The following LRP8 variants were observed in gnomAD, a reference collection of about 807,000 sequenced individuals.
LRP8 encodes low-density lipoprotein receptor-related protein 8.
A neutral mutation model predicts 111.6 loss-of-function variants in LRP8; 46 were observed. The observed-to-expected ratio is 0.41, with a 90% CI of 0.33 to 0.53. The LOEUF (loss-of-function observed/expected upper bound fraction) is 0.53. LRP8 is among the 20% of genes least tolerant of loss of function. LRP8 has a pLI of 0.20. For synonymous variants in LRP8, 464 were observed against 511.2 expected (o/e 0.91, Z 1.24); for missense variants, 959 against 1,297.4 (o/e 0.74, Z 4.01).
At chr1:53,259,813 C>G (rs1353519807) in intron 13 of LRP8, among the ~76,000 whole-genome samples, 3 of 152,176 alleles carry the variant, frequency 2.0e-5, no homozygotes, top group Non-Finnish European at 4.4e-5. Flanking sequence ...TTATTTTTCC[C>G]TGTGCCACAT....
At chr1:53,309,439 G>A (rs1652596100) in intron 2 of LRP8, among the ~76,000 whole-genome samples, 1 of 152,204 alleles carries the variant, frequency 6.6e-6, no homozygotes, top group South Asian at 2.1e-4. Context: ...ACGCCCCTGT[G>A]CAGAAGAGGA....
chr1:53,289,519 G>T, intron 3 of LRP8, 48 bp downstream of exon 3: 1 of 1,558,504 alleles, frequency 6.4e-7, no homozygotes, highest in Non-Finnish European at 8.7e-7. Flanking sequence ...GAAGATCTGA[G>T]GAGGAAACTG....
At position 53,243,663 on chromosome 1, in the gene LRP8, G is replaced by C. The variant is rs1645680361; in HGVS notation, c.*3355C>G. 1 of 152,144 alleles carries C rather than the reference G, an allele frequency of 6.6e-6. No individual in the cohort carries two copies. Among genetic ancestry groups the C allele is most frequent in the East Asian group, 1.9e-4 (1 of 5,196 alleles). 9.4% of individuals were successfully genotyped at this position (152,144 alleles called of 1,614,324 possible). A position where few individuals can be genotyped will look rare whatever the true frequency, so the allele number is the denominator to read the frequency against. ...TTTTGTTCCTGTTAGAATGAACTGT[G>C]CAATTCCTAAAGTCCCTGTGCTCTT... On this transcript the variant is annotated 3_prime_UTR_variant, in exon 19 of 19. Coordinates refer to ENST00000306052, the MANE Select transcript of LRP8 (RefSeq NM_004631.5).
rs780596952 is a variant in LRP8 at position 53,264,247 on chromosome 1, A to C, written c.1577T>G (p.Val526Gly). Residue 526 changes from valine (V) to glycine (G), a missense_variant, in exon 10 of 19, where the codon GTT (valine) becomes GGT (glycine). By Grantham distance (109) the Val-to-Gly change is moderately radical. Coordinates refer to ENST00000306052, the MANE Select transcript of LRP8 (RefSeq NM_004631.5). ...SGNKTISVATVDGGRRRTLFS... is the reference protein window; with the variant it reads ...SGNKTISVATGDGGRRRTLFS... ...GAGAGTGCGTCGGCGGCCACCATCA[A>C]CTGTGGCCACTGAGATGGTCTTATT... 1.2e-6 allele frequency: 2 copies of C among 1,614,152 alleles called. No individual in the cohort carries two copies. Among genetic ancestry groups the C allele is most frequent in the South Asian group, 1.1e-5 (1 of 91,082 alleles).
chr1:53,280,618 C>A lies in LRP8; in HGVS notation c.465G>T (p.Glu155Asp), dbSNP rs776697660. 10 of 1,613,194 alleles carry A rather than the reference C, an allele frequency of 6.2e-6. No individual in the cohort carries two copies. The Admixed American group carries it at 1.0e-4, about 16-fold the overall frequency. ...SWRCDGEKDCEGGADEAGCAT... is the reference protein window; with the variant it reads ...SWRCDGEKDCDGGADEAGCAT... ...CACAGCCGGCCTCATCCGCTCCACC[C>A]TCGCAGTCCTTCTCCCCGTCGCAGC... Residue 155 changes from glutamate (E) to aspartate (D), a missense_variant, in exon 4 of 19, where the codon GAG becomes GAT. Glu to Asp is a conservative substitution (Grantham distance 45, BLOSUM62 2). Transcript: ENST00000306052.
intron 2 of LRP8, among the ~76,000 whole-genome samples, chr1:53,307,918 T>A (rs1433802917): frequency 1.3e-5 from 2 of 151,986 alleles, no homozygotes; most frequent in Non-Finnish European, 2.9e-5. Context: ...ACCTGGTGAG[T>A]AGATACCTAG....
intron 6 of LRP8, chr1:53,272,582 G>A: frequency 1.5e-6 from 2 of 1,290,784 alleles, no homozygotes; most frequent in South Asian, 2.5e-5. Context: ...CCTGAGCCAT[G>A]CTTAGGGAAT....
chr1:53,248,975 G>A (rs1176967345), intron 18 of LRP8, among the ~76,000 whole-genome samples: 1 of 152,230 alleles, frequency 6.6e-6, no homozygotes, highest in Admixed American at 6.5e-5. Flanking sequence ...GGCAGTGGAA[G>A]GATGGAACTG....
Position 53,266,372 on chromosome 1 carries a change from C to T in LRP8, c.1427+101G>A, listed in dbSNP as rs911462106. 4.8e-6 allele frequency: 6 copies of T among 1,257,384 alleles called. No homozygotes were observed. The Admixed American group carries it at 1.1e-4, about 23-fold the overall frequency. 77.9% of individuals were successfully genotyped at this position (1,257,384 alleles called of 1,614,324 possible). A position where few individuals can be genotyped will look rare whatever the true frequency, so the allele number is the denominator to read the frequency against. The stretch of plus-strand genomic sequence containing the variant: ...TCTCTTCCCAAGTCCCAACTCTGTC[C>T]TGAGGAGCTCTAGAGGCAGACACCA... On this transcript the variant is annotated intron_variant, in intron 9 of 18. Coordinates refer to ENST00000306052, the MANE Select transcript of LRP8 (RefSeq NM_004631.5). This position sits in a 1 kb window ranked among gnomAD's most constrained non-coding sequence, Gnocchi z 5.0.
At chr1:53,308,975 G>C (rs1652506601) in intron 2 of LRP8, among the ~76,000 whole-genome samples, 2 of 152,122 alleles carry the variant, frequency 1.3e-5, no homozygotes, top group South Asian at 4.1e-4. Context: ...CCCTCAGAGG[G>C]CTGTTAAAGG....
intron 8 of LRP8, among the ~76,000 whole-genome samples, chr1:53,270,103 TTGTG>T (rs1646715370): frequency 6.6e-6 from 1 of 152,140 alleles, no homozygotes; most frequent in Non-Finnish European, 1.5e-5. Flanking sequence ...GTGCAGTGCG[TTGTG>T]TGTGTGATGT....
chr1:53,277,847 G>C (rs1646978120), intron 4 of LRP8, among the ~76,000 whole-genome samples: 1 of 152,220 alleles, frequency 6.6e-6, no homozygotes, highest in African/African-American at 2.4e-5. Context: ...TCTGCCCCAA[G>C]AATCCACACT....
intron 3 of LRP8, 111 bp downstream of exon 3, chr1:53,289,456 G>A (rs113637210): frequency 0.011 from 15,210 of 1,417,084 alleles, 126 homozygotes; most frequent in Middle Eastern, 0.014. Flanking sequence ...CCCTGAGTGC[G>A]TGGCACAGAA....
chr1:53,262,229 G>A lies in LRP8; in HGVS notation c.1775-22C>T. On this transcript the variant is annotated intron_variant, in intron 11 of 18. Transcript: ENST00000306052. The surrounding 1 kb of genome is among the most constrained non-coding windows in gnomAD (Gnocchi z 4.8). ...AGATCTTGGGAAGGAAGCAGGATCAGGTCATGAACCTGGGACCCCAGTCTG... is the reference window on the plus strand; with the variant it reads ...AGATCTTGGGAAGGAAGCAGGATCAAGTCATGAACCTGGGACCCCAGTCTG... 2 of 1,612,144 alleles carry A rather than the reference G, an allele frequency of 1.2e-6. No individual in the cohort carries two copies. Among genetic ancestry groups the A allele is most frequent in the Non-Finnish European group, 1.7e-6 (2 of 1,179,676 alleles).
chr1:53,297,542 G>A (rs763644389), intron 2 of LRP8, among the ~76,000 whole-genome samples: 4 of 152,138 alleles, frequency 2.6e-5, no homozygotes, highest in Non-Finnish European at 4.4e-5. Flanking sequence ...ATCTAAATTC[G>A]CCCTCTCCCC....
chr1:53,247,160 A>ACATAATGTT, intron 18 of LRP8, 104 bp from the exon 19 acceptor site: 1 of 813,640 alleles, frequency 1.2e-6, no homozygotes, highest in Non-Finnish European at 1.9e-6. Flanking sequence ...GTATTAGCTC[A>ACATAATGTT]CATAATGTTC....
intron 2 of LRP8, among the ~76,000 whole-genome samples, chr1:53,311,505 G>A (rs1652990279): frequency 6.6e-6 from 1 of 152,060 alleles, no homozygotes; most frequent in South Asian, 2.1e-4. Flanking sequence ...CTTGGCACTA[G>A]CTCTCTCCTC....
At chr1:53,280,883 T>C (rs562409915) in intron 3 of LRP8, among the ~76,000 whole-genome samples, 168 bp from the exon 4 acceptor site, 3 of 152,348 alleles carry the variant, frequency 2.0e-5, no homozygotes, top group Non-Finnish European at 4.4e-5. Context: ...CCTCTGTCTG[T>C]GCCAGGAATT....
rs781567195 is a variant in LRP8, at chr1:53,327,824, G to A, written c.89C>T (p.Ala30Val). Residue 30 changes from alanine to valine, a missense_variant, in exon 1 of 19, where the codon GCG (alanine) becomes GTG (valine). Physicochemically the swap from Ala to Val is moderately conservative, Grantham distance 64 (BLOSUM62 0). Transcript: ENST00000306052. Reference sequence around the variant, plus strand: ...GAGCAGCGGATCAGCCGCTGCCGCCGCAAGATGCTGGAGCTGCAGCAGCAG... The same window carrying A: ...GAGCAGCGGATCAGCCGCTGCCGCCACAAGATGCTGGAGCTGCAGCAGCAG... ...LLLLLQLQHL[A>V]AAAADPLLGG... 1.3e-6 allele frequency: 2 copies of A among 1,511,948 alleles called. No homozygotes were observed. Among genetic ancestry groups the A allele is most frequent in the African/African-American group, 2.9e-5 (2 of 70,086 alleles). The allele number at this position is 1,511,948 out of a possible 1,614,324, so 93.7% of individuals were successfully genotyped here.
Sources: gnomAD v4.1 joint callset for allele counts (sites outside exome capture counted in the v4.1 genomes callset) on GRCh38, gnomAD v4.1.1 for gene constraint, Gnocchi (gnomAD v3.1) non-coding constraint, MANE v1.5 for transcripts, NCBI Gene and HGNC (gene_info 2026-07-23, HGNC 2026-07-21) for gene names.